DACH1: variants seen among roughly 807,000 people sequenced by gnomAD.
The protein encoded by DACH1 is dachshund family transcription factor 1.
DACH1 carries 12 observed loss-of-function variants against 54.2 expected under a neutral mutation model. The observed-to-expected ratio is 0.22, with a 90% CI of 0.14 to 0.36. DACH1 has a LOEUF of 0.36. Among genes scored for constraint, DACH1 ranks in the 10% least tolerant of loss-of-function variants. The pLI is 1.00. For missense variants in DACH1, 805 were observed against 929.8 expected, an observed-to-expected ratio of 0.87 and a Z score of 1.75; for synonymous variants, 386 against 366.2, an observed-to-expected ratio of 1.05 and a Z score of -0.62.
intron 3 of DACH1, among the ~76,000 whole-genome samples, chr13:71,581,285 T>A (rs968126268): frequency 1.3e-5 from 2 of 152,156 alleles, no homozygotes; most frequent in Non-Finnish European, 2.9e-5. Context: ...TATTATTTTT[T>A]ATACAGAATC....
At chr13:71,793,081 C>T (rs991244260) in intron 1 of DACH1, among the ~76,000 whole-genome samples, 1 of 152,110 alleles carries the variant, frequency 6.6e-6, no homozygotes. Context: ...AAGAAAAATA[C>T]ATTTTTAAAG....
In DACH1 at chr13:71,471,634, C is replaced by G. The variant is rs370555620; in HGVS notation, c.2083+3507G>C. On this transcript the variant is annotated intron_variant, in intron 10 of 10. Transcript: ENST00000613252. Reference sequence around the variant, plus strand: ...GGGCCTGGTGGTGCACGCCCGTAGTCCCAGCTACTCAGGAGGCTGAGGCAG... The same window carrying G: ...GGGCCTGGTGGTGCACGCCCGTAGTGCCAGCTACTCAGGAGGCTGAGGCAG... 1.3e-4 allele frequency among the ~76,000 whole-genome samples: 19 copies of G among 151,782 alleles called. No homozygotes were observed. The East Asian group carries it at 3.3e-3, about 27-fold the overall frequency.
chr13:71,866,196 C>A lies in DACH1; in HGVS notation c.574G>T (p.Asp192Tyr). ...TPQNNECKMV[D>Y]LRGAKVASFT... The stretch of plus-strand genomic sequence containing the variant: ...GAAGCCACTTTGGCCCCCCTCAGAT[C>A]CACCATTTTGCACTCATTATTCTGA... The change falls in exon 1 of 11, where the codon GAT becomes TAT. Residue 192 changes from aspartate (D) to tyrosine (Y), a missense_variant. Physicochemically the swap from Asp to Tyr is radical, Grantham distance 160 (BLOSUM62 -3). Transcript: ENST00000613252. The A allele has an allele frequency of 6.2e-7, 1 of 1,612,958 alleles. No individual in the cohort carries two copies. Among genetic ancestry groups the A allele is most frequent in the Non-Finnish European group, 8.5e-7 (1 of 1,179,494 alleles).
At chr13:71,502,929 C>A (rs1880040331) in intron 6 of DACH1, among the ~76,000 whole-genome samples, 1 of 152,218 alleles carries the variant, frequency 6.6e-6, no homozygotes, top group Non-Finnish European at 1.5e-5. Context: ...CTACCCTAAG[C>A]TAGGCATCAG....
intron 2 of DACH1, among the ~76,000 whole-genome samples, chr13:71,656,716 T>C (rs1879111120): frequency 1.3e-5 from 2 of 151,372 alleles, no homozygotes; most frequent in Non-Finnish European, 2.9e-5. Context: ...AACACTGTTA[T>C]ATCTCCAAAC....
At chr13:71,862,348 T>C (rs1874415556) in intron 1 of DACH1, among the ~76,000 whole-genome samples, 1 of 152,046 alleles carries the variant, frequency 6.6e-6, no homozygotes, top group Admixed American at 6.5e-5. Flanking sequence ...ATAATTACTT[T>C]TCTTTTTTTG....
At chr13:71,638,218 T>C (rs1175616541) in intron 2 of DACH1, among the ~76,000 whole-genome samples, 1 of 152,240 alleles carries the variant, frequency 6.6e-6, no homozygotes, top group Non-Finnish European at 1.5e-5. Context: ...TCTGGCATTC[T>C]TCCTACTGAT....
chr13:71,653,815 C>T (rs1180838022), intron 2 of DACH1, among the ~76,000 whole-genome samples: 1 of 152,004 alleles, frequency 6.6e-6, no homozygotes, highest in East Asian at 1.9e-4. Flanking sequence ...ATTACAGTAA[C>T]TTTCCAGAAA....
chr13:71,537,826 T>G (rs1313444008), intron 6 of DACH1, among the ~76,000 whole-genome samples: 1 of 152,154 alleles, frequency 6.6e-6, no homozygotes, highest in African/African-American at 2.4e-5. Context: ...TGATCCAGAA[T>G]AGCTGCTCAA....
chr13:71,524,419 G>A (rs1448607293), intron 6 of DACH1, among the ~76,000 whole-genome samples: 1 of 152,130 alleles, frequency 6.6e-6, no homozygotes, highest in Non-Finnish European at 1.5e-5. Flanking sequence ...TATCAACAAA[G>A]TGTGCTTTTT....
chr13:71,682,299 G>C (rs1880948910), intron 1 of DACH1, among the ~76,000 whole-genome samples: 1 of 152,276 alleles, frequency 6.6e-6, no homozygotes, highest in South Asian at 2.1e-4. Context: ...AACCAAATAT[G>C]TGTAGTACTT....
chr13:71,840,729 G>C (rs1594287428), intron 1 of DACH1, among the ~76,000 whole-genome samples: 1 of 152,112 alleles, frequency 6.6e-6, no homozygotes, highest in Non-Finnish European at 1.5e-5. Context: ...TAAAAATAGA[G>C]CAAGGCAGTA....
At chr13:71,848,124 A>T (rs189339694) in intron 1 of DACH1, among the ~76,000 whole-genome samples, 25 of 152,290 alleles carry the variant, frequency 1.6e-4, no homozygotes, top group Admixed American at 3.9e-4. Context: ...TCAGAGATTC[A>T]ATAATACCCG....
At chr13:71,685,359 C>T (rs1881108760) in intron 1 of DACH1, among the ~76,000 whole-genome samples, 1 of 152,130 alleles carries the variant, frequency 6.6e-6, no homozygotes, top group East Asian at 1.9e-4. Flanking sequence ...ACCCTAAAGC[C>T]ATCAGCTAAC....
At chr13:71,725,638 AC>A (rs1883434964) in intron 1 of DACH1, among the ~76,000 whole-genome samples, 1 of 152,152 alleles carries the variant, frequency 6.6e-6, no homozygotes, top group Non-Finnish European at 1.5e-5. Flanking sequence ...GATGTTCTTT[AC>A]ATAAACACAT....
intron 1 of DACH1, among the ~76,000 whole-genome samples, chr13:71,835,575 T>C (rs1888751585): frequency 6.6e-6 from 1 of 152,060 alleles, no homozygotes; most frequent in South Asian, 2.1e-4. Flanking sequence ...GATTGATCCT[T>C]TATGTATTGG....
chr13:71,505,665 A>G (rs1431762781), intron 6 of DACH1, among the ~76,000 whole-genome samples: 1 of 152,192 alleles, frequency 6.6e-6, no homozygotes, highest in African/African-American at 2.4e-5. Flanking sequence ...AAATATCACC[A>G]GAAGCTTTAG....
At chr13:71,578,475 A>G (rs949025488) in intron 3 of DACH1, among the ~76,000 whole-genome samples, 4 of 152,222 alleles carry the variant, frequency 2.6e-5, no homozygotes, top group Non-Finnish European at 5.9e-5. Context: ...AGTTCACTCT[A>G]TTAAAAAAAT....
intron 1 of DACH1, among the ~76,000 whole-genome samples, chr13:71,746,348 T>C (rs1408728596): frequency 6.6e-6 from 1 of 152,332 alleles, no homozygotes; most frequent in Non-Finnish European, 1.5e-5. Context: ...CCTTTATAGA[T>C]GACAAAGTGG....
Sources: allele counts gnomAD v4.1 joint callset (sites outside exome capture counted in the v4.1 genomes callset), GRCh38; gene constraint gnomAD v4.1.1; transcripts MANE v1.5; gene names NCBI Gene and HGNC (gene_info 2026-07-23, HGNC 2026-07-21).